The following MAGI1 variants were observed in gnomAD, a reference collection of about 807,000 sequenced individuals.
MAGI1 encodes the protein membrane-associated guanylate kinase, WW and PDZ domain-containing protein 1.
In MAGI1, 58 loss-of-function variants were observed where a neutral mutation model predicts 139.9. That is an observed-to-expected ratio of 0.41 (90% confidence interval 0.34 to 0.52). MAGI1 has a LOEUF of 0.52. Among genes scored for constraint, MAGI1 ranks in the 20% least tolerant of loss-of-function variants. The pLI is 0.12. For synonymous variants in MAGI1, 812 were observed against 737.9 expected, an observed-to-expected ratio of 1.10 and a Z score of -1.63; for missense variants, 1,874 against 1,901.6, an observed-to-expected ratio of 0.99 and a Z score of 0.27.
chr3:65,496,925 G>A (rs922245971), intron 2 of MAGI1, among the ~76,000 whole-genome samples: 8 of 152,164 alleles, frequency 5.3e-5, no homozygotes, highest in Non-Finnish European at 1.2e-4. Context: ...ATGTAAGAAA[G>A]ACAGAATAAA....
chr3:65,684,947 G>A (rs1296910944), intron 1 of MAGI1, among the ~76,000 whole-genome samples: 1 of 145,370 alleles, frequency 6.9e-6, no homozygotes, highest in Admixed American at 6.9e-5. Flanking sequence ...CGAACTCCTG[G>A]GCTCAAGTGA....
At chr3:65,484,775 T>C (rs764575676) in intron 3 of MAGI1, among the ~76,000 whole-genome samples, 14 of 152,148 alleles carry the variant, frequency 9.2e-5, no homozygotes, top group Non-Finnish European at 2.1e-4. Flanking sequence ...CTGCTCATCC[T>C]CAGCAACAGT....
chr3:65,846,983 A>AAAAAAAAC (rs1553716726), intron 1 of MAGI1, among the ~76,000 whole-genome samples: 33 of 147,484 alleles, frequency 2.2e-4, no homozygotes, highest in Middle Eastern at 7.2e-3. Context: ...TTACAAAAAA[A>AAAAAAAAC]AAAAAAAAAA....
chr3:65,438,034 C>G (rs1190980294), intron 9 of MAGI1, among the ~76,000 whole-genome samples: 1 of 152,166 alleles, frequency 6.6e-6, no homozygotes, highest in Non-Finnish European at 1.5e-5. Flanking sequence ...TACTGGGTAT[C>G]TGAAGAAAAA....
chr3:65,971,211 T>C (rs1177768294), intron 1 of MAGI1, among the ~76,000 whole-genome samples: 4 of 152,160 alleles, frequency 2.6e-5, no homozygotes, highest in Non-Finnish European at 5.9e-5. Flanking sequence ...CAAAAATACA[T>C]AAATAAAACC....
At chr3:65,796,385 G>A (rs771214938) in intron 1 of MAGI1, among the ~76,000 whole-genome samples, 2 of 152,096 alleles carry the variant, frequency 1.3e-5, no homozygotes, top group Non-Finnish European at 2.9e-5. Context: ...CCTTCCCAGC[G>A]ACATCCAGAC....
At chr3:65,363,062 C>G (rs907588098) in intron 21 of MAGI1, among the ~76,000 whole-genome samples, 1 of 152,056 alleles carries the variant, frequency 6.6e-6, no homozygotes, top group African/African-American at 2.4e-5. Flanking sequence ...AAGTAGACCT[C>G]ACTGCCCAGA....
At chr3:65,730,954 T>C (rs1287917663) in intron 1 of MAGI1, among the ~76,000 whole-genome samples, 4 of 151,584 alleles carry the variant, frequency 2.6e-5, no homozygotes, top group South Asian at 2.1e-4. Flanking sequence ...ACCTCCATTG[T>C]AGTTTTGCCA....
chr3:65,685,895 T>A (rs1045494641), intron 1 of MAGI1, among the ~76,000 whole-genome samples: 9 of 152,190 alleles, frequency 5.9e-5, no homozygotes, highest in African/African-American at 2.2e-4. Flanking sequence ...AGACACGTTT[T>A]CTTCCCCTGA....
At chr3:65,383,884 TCCTTAACTACAAATAGTCAG>T (rs1370662850) in intron 14 of MAGI1, among the ~76,000 whole-genome samples, 1 of 152,200 alleles carries the variant, frequency 6.6e-6, no homozygotes, top group African/African-American at 2.4e-5. Flanking sequence ...CAAGCCATGA[TCCTTAACTACAAATAGTCAG>T]CATTAACTGC....
chr3:65,374,822 T>A (rs1008141353), intron 18 of MAGI1, among the ~76,000 whole-genome samples: 13 of 152,156 alleles, frequency 8.5e-5, no homozygotes, highest in African/African-American at 2.9e-4. Context: ...AACCAAAGAT[T>A]TGAATTTAAC....
chr3:65,874,287 T>A (rs556246809), intron 1 of MAGI1: 8 of 152,198 alleles, frequency 5.3e-5, no homozygotes, highest in South Asian at 4.2e-4. Flanking sequence ...CTCAAAAAAA[T>A]TTGTTTAAAA....
intron 2 of MAGI1, among the ~76,000 whole-genome samples, chr3:65,537,289 T>C (rs1426791332): frequency 6.6e-6 from 1 of 152,184 alleles, no homozygotes; most frequent in African/African-American, 2.4e-5. Flanking sequence ...GAAACTCCTA[T>C]TGATCCTACA....
At chr3:65,410,736 T>C (rs905010329) in intron 12 of MAGI1, among the ~76,000 whole-genome samples, 3 of 152,134 alleles carry the variant, frequency 2.0e-5, no homozygotes. Flanking sequence ...CCTGATATTT[T>C]ACTCCAAGTC....
At chr3:66,036,760 G>A (rs1422628724) in intron 1 of MAGI1, among the ~76,000 whole-genome samples, 1 of 152,144 alleles carries the variant, frequency 6.6e-6, no homozygotes, top group East Asian at 1.9e-4. Context: ...GAAACACATG[G>A]GAACTTTTCA....
chr3:65,753,377 C>G (rs936491377), intron 1 of MAGI1, among the ~76,000 whole-genome samples: 3 of 152,072 alleles, frequency 2.0e-5, no homozygotes, highest in Admixed American at 2.0e-4. Flanking sequence ...GAATCTTCAC[C>G]AAAAACACCT....
intron 1 of MAGI1, among the ~76,000 whole-genome samples, chr3:65,920,183 A>C (rs2062107727): frequency 6.6e-6 from 1 of 152,118 alleles, no homozygotes; most frequent in South Asian, 2.1e-4. Flanking sequence ...GGCCAACTTC[A>C]TTTACACATA....
At chr3:65,765,864 C>T (rs1559861195) in intron 1 of MAGI1, among the ~76,000 whole-genome samples, 1 of 152,026 alleles carries the variant, frequency 6.6e-6, no homozygotes, top group Non-Finnish European at 1.5e-5. Flanking sequence ...TCTTCCTATA[C>T]AAAAGTCACT....
In MAGI1 at chr3:65,354,848, T is replaced by G. The variant is rs1940130013; in HGVS notation, c.*1530A>C. ...CCCAACAGGCTCTATTAATTACAAT[T>G]TTTAGCTCTGTACACGCAATGATTG... On this transcript the variant is annotated 3_prime_UTR_variant, in exon 23 of 23. Coordinates refer to ENST00000402939, the MANE Select transcript of MAGI1 (RefSeq NM_001033057.2). 6.6e-6 allele frequency: 1 copy of G among 152,594 alleles called. No individual in the cohort carries two copies. The highest frequency in any genetic ancestry group is 2.4e-5 in the African/African-American group (1 of 41,450). 9.5% of individuals were successfully genotyped at this position (152,594 alleles called of 1,614,324 possible).
Sources: gnomAD v4.1 joint callset for allele counts (sites outside exome capture counted in the v4.1 genomes callset) on GRCh38, gnomAD v4.1.1 for gene constraint, MANE v1.5 for transcripts, NCBI Gene and HGNC (gene_info 2026-07-23, HGNC 2026-07-21) for gene names.